The following SH3TC1 variants were observed in gnomAD, a reference collection of about 807,000 sequenced individuals.
SH3TC1 encodes the protein SH3 domain and tetratricopeptide repeat-containing protein 1.
A neutral mutation model predicts 117.3 loss-of-function variants in SH3TC1; 135 were observed. The ratio of observed to expected loss-of-function variants is 1.15; its 90% CI spans 1.00 to 1.33. The LOEUF is 1.33. Among genes scored for constraint, SH3TC1 ranks in the 40% most tolerant of loss-of-function variants. The probability of loss-of-function intolerance (pLI) is 0.00; values close to 1 mark genes in which losing one functional copy is unlikely to be tolerated. For synonymous variants in SH3TC1, 898 were observed against 816.9 expected (o/e 1.10, Z -1.69); for missense variants, 2,092 against 1,794.3 (o/e 1.17, Z -3.00).
chr4:8,215,987 G>C, intron 5 of SH3TC1, 124 bp from the exon 6 acceptor site: 1 of 1,209,524 alleles, frequency 8.3e-7, no homozygotes, highest in Non-Finnish European at 1.1e-6. Flanking sequence ...GGGCAGGTGG[G>C]TGTCTTCCAT....
At chr4:8,238,527 C>A (rs1250390421) in intron 17 of SH3TC1, among the ~76,000 whole-genome samples, 1 of 152,158 alleles carries the variant, frequency 6.6e-6, no homozygotes, top group African/African-American at 2.4e-5. Context: ...CTCTTGGGGG[C>A]CTTAGAACAA....
In SH3TC1 at chr4:8,236,377, C is replaced by T. The variant is rs776330826; in HGVS notation, c.3505C>T (p.Gln1169Ter). 2.8e-5 allele frequency: 43 copies of T among 1,542,886 alleles called. No homozygotes were observed. Among genetic ancestry groups the T allele is most frequent in the Non-Finnish European group, 3.6e-5 (41 of 1,143,002 alleles). ...VALLATLEEPQEGLEFAHMAL... is the reference protein window; with the variant it reads ...VALLATLEEP ...ACTGCTGGCCACGCTGGAGGAGCCC[C>T]AGGAGGGCTTGGAGTTTGCCCACAT... The change falls in exon 16 of 18, where the codon CAG (glutamine) becomes TAG (stop). Residue 1169 changes from glutamine (Q) to a stop codon, truncating the protein, a stop_gained. Coordinates refer to ENST00000245105, the MANE Select transcript of SH3TC1 (RefSeq NM_018986.5). LOFTEE classifies it high-confidence loss of function.
chr4:8,188,644 G>T (rs562960242), intron 1 of SH3TC1, among the ~76,000 whole-genome samples: 5 of 152,354 alleles, frequency 3.3e-5, no homozygotes, highest in Non-Finnish European at 5.9e-5. Context: ...CTATGCCAGG[G>T]TAGAAGGGGT....
rs969320049 is a variant in SH3TC1 at position 8,183,296 on chromosome 4, C to G, written c.-57+1086C>G. 6.6e-6 allele frequency among the ~76,000 whole-genome samples: 1 copy of G among 152,182 alleles called. No individual in the cohort carries two copies. Among genetic ancestry groups the G allele is most frequent in the Non-Finnish European group, 1.5e-5 (1 of 68,008 alleles). ...CAAGGTGGCAGGACTGGCTGAGGAC[C>G]ACGGCAGGTCACGCCTGGGGCTAGG... is the stretch of plus-strand genomic sequence containing the variant. On this transcript the variant is annotated intron_variant, in intron 1 of 16. Transcript: ENST00000508641. This position sits in a 1 kb window ranked among gnomAD's most constrained non-coding sequence, Gnocchi z 5.4.
Position 8,186,348 on chromosome 4 carries a change from A to T in SH3TC1, c.-57+4138A>T, listed in dbSNP as rs1326465124. 1.3e-5 allele frequency among the ~76,000 whole-genome samples: 2 copies of T among 152,060 alleles called. No homozygotes were observed. Among genetic ancestry groups the T allele is most frequent in the African/African-American group, 4.8e-5 (2 of 41,388 alleles). ...TCAGGAAAACAGGGACATCTGAAAA[A>T]CCTTCCCGGCCAAAAGGCACCCCAA... On this transcript the variant is annotated intron_variant, in intron 1 of 16. Transcript: ENST00000508641. The surrounding 1 kb of genome is among the most constrained non-coding windows in gnomAD (Gnocchi z 5.2).
intron 1 of SH3TC1, among the ~76,000 whole-genome samples, chr4:8,189,490 G>C (rs1383984965): frequency 6.6e-6 from 1 of 152,254 alleles, no homozygotes; most frequent in Non-Finnish European, 1.5e-5. Context: ...GTGGTGTGCA[G>C]AAGCCAGGGC....
chr4:8,219,280 C>T (rs904751649), intron 8 of SH3TC1, 55 bp from the exon 9 acceptor site: 58 of 1,489,552 alleles, frequency 3.9e-5, no homozygotes, highest in Middle Eastern at 1.8e-4. Context: ...CCTGTCTGCC[C>T]GCTCTGGCCC....
In SH3TC1 at chr4:8,225,137, C is replaced by T. The variant is rs2152990264; in HGVS notation, c.1244-38C>T. Reference sequence around the variant, plus strand: ...CCTGGCAGGGGACCAGAGGTACTGGCTGGGGGTGTTGATTGCTTCTCTTTT... The same window carrying T: ...CCTGGCAGGGGACCAGAGGTACTGGTTGGGGGTGTTGATTGCTTCTCTTTT... On this transcript the variant is annotated intron_variant, in intron 10 of 17. Coordinates refer to ENST00000245105, the MANE Select transcript of SH3TC1 (RefSeq NM_018986.5). The surrounding 1 kb of genome is among the most constrained non-coding windows in gnomAD (Gnocchi z 5.5). The T allele has an allele frequency of 6.2e-7, 1 of 1,612,680 alleles. No homozygotes were observed.
At position 8,214,831 on chromosome 4, in the gene SH3TC1, G is replaced by A. The variant is rs569997282; in HGVS notation, c.481+251G>A. Among the ~76,000 whole-genome samples the A allele has an allele frequency of 3.3e-5, 5 of 152,132 alleles. No homozygotes were observed. The South Asian group carries it at 6.2e-4, about 19-fold the overall frequency. ...CCTGAGTAGCTGGGATTATAAGTAC[G>A]AGCTACCATGCCCAGCTAAATTTTT... On this transcript the variant is annotated intron_variant, in intron 5 of 17. Coordinates refer to ENST00000245105, the MANE Select transcript of SH3TC1 (RefSeq NM_018986.5).
At position 8,186,873 on chromosome 4, in the gene SH3TC1, G is replaced by A. The variant is rs908203567; in HGVS notation, c.-57+4663G>A. On this transcript the variant is annotated intron_variant, in intron 1 of 16. Transcript: ENST00000508641. The surrounding 1 kb of genome is among the most constrained non-coding windows in gnomAD (Gnocchi z 5.2). ...GTGGGAGAATCGCTTGAACCCAGAAGGTGGAGGTTGCAGTGAGCCGAGATC... is the reference window on the plus strand; with the variant it reads ...GTGGGAGAATCGCTTGAACCCAGAAAGTGGAGGTTGCAGTGAGCCGAGATC... Among the ~76,000 whole-genome samples, 3 of 151,452 alleles carry A rather than the reference G, an allele frequency of 2.0e-5. No homozygotes were observed. Among genetic ancestry groups the A allele is most frequent in the African/African-American group, 7.3e-5 (3 of 41,132 alleles).
Position 8,210,019 on chromosome 4 carries a change from TG to T in SH3TC1, c.247+201del, listed in dbSNP as rs1718518449. On this transcript the variant is annotated intron_variant, in intron 3 of 17. Coordinates refer to ENST00000245105, the MANE Select transcript of SH3TC1 (RefSeq NM_018986.5). The surrounding 1 kb of genome is among the most constrained non-coding windows in gnomAD (Gnocchi z 4.1). ...TGCACCCAGAGGGGGACATGGCCCC[TG>T]GGGCTCCCCTAGGCATCCCTGTGTG... 6.6e-6 allele frequency among the ~76,000 whole-genome samples: 1 copy of T among 152,160 alleles called. No homozygotes were observed. Among genetic ancestry groups the T allele is most frequent in the African/African-American group, 2.4e-5 (1 of 41,454 alleles).
In SH3TC1 at chr4:8,190,310, T is replaced by A. The variant is rs1194268576; in HGVS notation, c.-57+8100T>A. On this transcript the variant is annotated intron_variant, in intron 1 of 16. Transcript: ENST00000508641. This position sits in a 1 kb window ranked among gnomAD's most constrained non-coding sequence, Gnocchi z 4.7. Reference sequence around the variant, plus strand: ...CCTTCGGCGGAGTTGGGGGACTGTGTGCTTGGGTTGGGTTAATGACTGTGT... The same window carrying A: ...CCTTCGGCGGAGTTGGGGGACTGTGAGCTTGGGTTGGGTTAATGACTGTGT... Among the ~76,000 whole-genome samples the A allele has an allele frequency of 6.6e-6, 1 of 152,160 alleles. No individual in the cohort carries two copies. Among genetic ancestry groups the A allele is most frequent in the Non-Finnish European group, 1.5e-5 (1 of 68,028 alleles).
chr4:8,203,142 G>T lies in SH3TC1; in HGVS notation c.-28-2025G>T, dbSNP rs559952491. ...CTCTTGGGGAGCAGCCTCTGTGAAG[G>T]GACCTGTCGCCACAGTGGTGGCCCG... On this transcript the variant is annotated intron_variant, in intron 1 of 17. Transcript: ENST00000245105. Among the ~76,000 whole-genome samples the T allele has an allele frequency of 2.6e-4, 39 of 152,342 alleles. 1 individual carries two copies. Among genetic ancestry groups the T allele is most frequent in the African/African-American group, 8.9e-4 (37 of 41,568 alleles).
rs1386777017 is a variant in SH3TC1, at chr4:8,227,100, G to C, written c.1406G>C (p.Cys469Ser). 2.1e-5 allele frequency: 34 copies of C among 1,612,634 alleles called. No homozygotes were observed. The highest frequency in any genetic ancestry group is 2.5e-5 in the Non-Finnish European group (30 of 1,179,748). Residue 469 changes from cysteine (C) to serine (S), a missense_variant, in exon 12 of 18, where the codon TGT (cysteine) becomes TCT (serine). Coordinates refer to ENST00000245105, the MANE Select transcript of SH3TC1 (RefSeq NM_018986.5). Reference protein sequence around the residue: ...CPQEPASWGLCAASSDVSLQD... With the variant: ...CPQEPASWGLSAASSDVSLQD... ...CAGGAGCCAGCGTCCTGGGGTCTCT[G>C]TGCGGCATCCAGCGACGTGAGCTTG...
At chr4:8,204,233 G>T (rs1718018826) in intron 1 of SH3TC1, among the ~76,000 whole-genome samples, 1 of 152,242 alleles carries the variant, frequency 6.6e-6, no homozygotes, top group African/African-American at 2.4e-5. Flanking sequence ...CGGAAAGTCT[G>T]TCCCAGTGTT....
chr4:8,227,070 GC>G lies in SH3TC1; in HGVS notation c.1381del (p.Gln461ArgfsTer15), dbSNP rs1278042780. 13 of 1,609,288 alleles carry G rather than the reference GC, an allele frequency of 8.1e-6. No individual in the cohort carries two copies. The highest frequency in any genetic ancestry group is 1.0e-5 in the Non-Finnish European group (12 of 1,177,908). ...VLEQCKTCPG[C>X]PQEPASWGLC... Reference sequence around the variant, plus strand: ...GAACAATGCAAGACCTGCCCAGGCTGCCCCCAGGAGCCAGCGTCCTGGGGTC... The same window carrying G: ...GAACAATGCAAGACCTGCCCAGGCTGCCCCAGGAGCCAGCGTCCTGGGGTC... On this transcript the variant is annotated frameshift_variant, in exon 12 of 18. Transcript: ENST00000245105. LOFTEE classifies it high-confidence loss of function.
At chr4:8,194,869 G>A (rs1166000234), upstream of SH3TC1, among the ~76,000 whole-genome samples, 1 of 152,186 alleles carries the variant, frequency 6.6e-6, no homozygotes, top group Non-Finnish European at 1.5e-5. Context: ...CGGCAATTGA[G>A]GGCACCACTG....
At position 8,210,724 on chromosome 4, in the gene SH3TC1, C is replaced by A. The variant is rs902655410; in HGVS notation, c.247+902C>A. 1.7e-5 allele frequency among the ~76,000 whole-genome samples: 2 copies of A among 119,870 alleles called. No individual in the cohort carries two copies. Among genetic ancestry groups the A allele is most frequent in the African/African-American group, 6.4e-5 (2 of 31,280 alleles). The allele number at this position is 119,870 out of a possible 152,430, so 78.6% of individuals were successfully genotyped here. On this transcript the variant is annotated intron_variant, in intron 3 of 17. Transcript: ENST00000245105. The surrounding 1 kb of genome is among the most constrained non-coding windows in gnomAD (Gnocchi z 4.1). ...GTAGTGAGCCGAGATTGCGCCATTG[C>A]ACTCCAGCCTGGGCAACTTCTGAAA... is the stretch of plus-strand genomic sequence containing the variant.
At chr4:8,198,947 G>C (rs1411430853), upstream of SH3TC1, among the ~76,000 whole-genome samples, 1 of 152,360 alleles carries the variant, frequency 6.6e-6, no homozygotes, top group Middle Eastern at 3.4e-3. Context: ...GCATGCGTGT[G>C]TGTGTGTGTG....
Sources: gnomAD v4.1 joint callset for allele counts (sites outside exome capture counted in the v4.1 genomes callset) on GRCh38, gnomAD v4.1.1 for gene constraint, Gnocchi (gnomAD v3.1) non-coding constraint, MANE v1.5 for transcripts, NCBI Gene and HGNC (gene_info 2026-07-23, HGNC 2026-07-21) for gene names.